Variants in ASB5 observed in about 807,000 individuals in gnomAD.
The protein encoded by ASB5 is ankyrin repeat and SOCS box protein 5.
A neutral mutation model predicts 42.1 loss-of-function variants in ASB5; 45 were observed. The ratio of observed to expected loss-of-function variants is 1.07; its 90% CI spans 0.84 to 1.37. ASB5 has a LOEUF of 1.37. Ranked by LOEUF, ASB5 falls within the 40% of genes most tolerant of loss-of-function variation. The pLI, the probability that ASB5 is intolerant of heterozygous loss-of-function variation, is 0.00. For missense variants in ASB5, 402 were observed against 399.8 expected (o/e 1.01, Z -0.05); for synonymous variants, 147 against 150.6 (o/e 0.98, Z 0.18).
At chr4:176,218,226 T>TATATATATATTTGTATGATATATAA (rs1753034885) in intron 5 of ASB5, among the ~76,000 whole-genome samples, 1 of 27,100 alleles carries the variant, frequency 3.7e-5, no homozygotes. Flanking sequence ...ATGATATAAA[T>TATATATATATTTGTATGATATATAA]ATATATATAT....
intron 5 of ASB5, among the ~76,000 whole-genome samples, chr4:176,218,644 A>AATATATATATTTGTATGATATATAAAT (rs1561250377): frequency 1.8e-4 from 7 of 39,644 alleles, no homozygotes; most frequent in African/African-American, 6.2e-4. Context: ...ATGATATATA[A>AATATATATATTTGTATGATATATAAAT]ATATATATAT....
Position 176,225,302 on chromosome 4 carries a change from C to T in ASB5, c.236G>A (p.Ser79Asn). Residue 79 changes from serine to asparagine, a missense_variant, in exon 2 of 7, where the codon AGT becomes AAT. Coordinates refer to ENST00000296525, the MANE Select transcript of ASB5 (RefSeq NM_080874.4). ...TCTCAGAGCAAGAAGGCGACCTTGA[C>T]TTGCTGCTTCATGTAGTGGTGATCG... ...ADRSPLHEAA[S>N]QGRLLALRTL... is the part of the protein sequence containing the mutation. 1 of 1,614,080 alleles carries T rather than the reference C, an allele frequency of 6.2e-7. No individual in the cohort carries two copies. Among genetic ancestry groups the T allele is most frequent in the Non-Finnish European group, 8.5e-7 (1 of 1,179,986 alleles).
intron 6 of ASB5, among the ~76,000 whole-genome samples, 173 bp from the exon 7 acceptor site, chr4:176,215,900 A>C (rs1421384826): frequency 6.6e-6 from 1 of 152,114 alleles, no homozygotes; most frequent in Admixed American, 6.6e-5. Context: ...TATTTATAAG[A>C]TCTTATTATA....
upstream of ASB5, among the ~76,000 whole-genome samples, chr4:176,273,547 C>T (rs989130162): frequency 6.6e-5 from 10 of 152,270 alleles, no homozygotes; most frequent in Admixed American, 6.5e-4. Context: ...AGAGTAATTT[C>T]TGCTAGCATT....
Sources: allele counts gnomAD v4.1 joint callset (sites outside exome capture counted in the v4.1 genomes callset), GRCh38; gene constraint gnomAD v4.1.1; transcripts MANE v1.5; gene names NCBI Gene and HGNC (gene_info 2026-07-23, HGNC 2026-07-21).